Variants in RTTN observed in about 807,000 individuals in gnomAD.
RTTN encodes rotatin.
RTTN carries 182 observed loss-of-function variants against 269.2 expected under a neutral mutation model. The ratio of observed to expected loss-of-function variants is 0.68; its 90% CI spans 0.60 to 0.76. The LOEUF (loss-of-function observed/expected upper bound fraction) is 0.76. Among genes scored for constraint, RTTN ranks in the 30% least tolerant of loss-of-function variants. The probability of loss-of-function intolerance (pLI) is 0.00; values close to 1 mark genes in which losing one functional copy is unlikely to be tolerated. For missense variants in RTTN, 2,545 were observed against 2,608.6 expected, an observed-to-expected ratio of 0.98 and a Z score of 0.53; for synonymous variants, 1,006 against 963.5, an observed-to-expected ratio of 1.04 and a Z score of -0.82.
At chr18:70,171,908 C>T (rs1429550468) in intron 11 of RTTN, among the ~76,000 whole-genome samples, 12 of 152,174 alleles carry the variant, frequency 7.9e-5, no homozygotes, top group Admixed American at 2.0e-4. Flanking sequence ...AAAAGCACTG[C>T]TCTCAGTCAC....
chr18:70,171,030 T>C (rs913180941), intron 11 of RTTN, among the ~76,000 whole-genome samples: 2 of 151,246 alleles, frequency 1.3e-5, no homozygotes, highest in African/African-American at 4.9e-5. Context: ...AGAATGAAGT[T>C]TGGGACATGT....
intron 12 of RTTN, among the ~76,000 whole-genome samples, chr18:70,168,117 A>AAAG (rs931942120): frequency 6.6e-6 from 1 of 151,912 alleles, no homozygotes; most frequent in Admixed American, 6.6e-5. Context: ...GGCTGTCAAA[A>AAAG]AAAAAAAAAA....
At chr18:70,031,034 A>G in intron 40 of RTTN, 53 bp from the exon 41 acceptor site, 3 of 1,228,768 alleles carry the variant, frequency 2.4e-6, no homozygotes, top group Non-Finnish European at 1.2e-6. Context: ...TCTGGAGCAA[A>G]ACTGTTGTGA....
chr18:70,108,513 T>G (rs1227105641), intron 28 of RTTN, among the ~76,000 whole-genome samples: 1 of 152,194 alleles, frequency 6.6e-6, no homozygotes, highest in Non-Finnish European at 1.5e-5. Flanking sequence ...GGAATGATTT[T>G]GATTATTAAA....
intron 9 of RTTN, among the ~76,000 whole-genome samples, chr18:70,188,432 A>C (rs1010836167): frequency 5.9e-5 from 9 of 152,222 alleles, no homozygotes; most frequent in Admixed American, 5.9e-4. Flanking sequence ...CTACATAACA[A>C]ATCAAATACA....
At chr18:70,004,985 A>G (rs970029281) in intron 48 of RTTN, among the ~76,000 whole-genome samples, 1 of 152,230 alleles carries the variant, frequency 6.6e-6, no homozygotes, top group Non-Finnish European at 1.5e-5. Flanking sequence ...AAATAAGACG[A>G]AGATCACAGA....
At chr18:70,169,829 G>T (rs1344310041) in intron 11 of RTTN, among the ~76,000 whole-genome samples, 1 of 152,152 alleles carries the variant, frequency 6.6e-6, no homozygotes, top group Non-Finnish European at 1.5e-5. Context: ...TTGACGTTCA[G>T]AGAAAATCTC....
At chr18:70,123,298 C>T (rs1298953298) in intron 25 of RTTN, among the ~76,000 whole-genome samples, 1 of 152,066 alleles carries the variant, frequency 6.6e-6, no homozygotes, top group Non-Finnish European at 1.5e-5. Flanking sequence ...TCCAATCAGG[C>T]TAATTAACAT....
At chr18:70,128,803 G>C in intron 23 of RTTN, 1 of 329,590 alleles carries the variant, frequency 3.0e-6, no homozygotes, top group East Asian at 5.0e-5. Context: ...GAGTTGTTGT[G>C]GAGATAACTA....
Position 70,047,231 on chromosome 18 carries a change from C to T in RTTN, c.5541+740G>A, listed in dbSNP as rs143278819. 4.1e-3 allele frequency among the ~76,000 whole-genome samples: 621 copies of T among 152,240 alleles called. 3 individuals carry two copies. Among genetic ancestry groups the T allele is most frequent in the Non-Finnish European group, 5.5e-3 (375 of 68,016 alleles). On this transcript the variant is annotated intron_variant, in intron 40 of 48. Coordinates refer to ENST00000640769, the MANE Select transcript of RTTN (RefSeq NM_173630.4). ...ATCAACAATTCTACTACTTTTCTGC[C>T]TTTCAGTGAGAAGACAAAAATCATA... is the stretch of plus-strand genomic sequence containing the variant.
At chr18:70,051,170 A>G (rs2057655048) in intron 39 of RTTN, among the ~76,000 whole-genome samples, 1 of 152,214 alleles carries the variant, frequency 6.6e-6, no homozygotes, top group Non-Finnish European at 1.5e-5. Flanking sequence ...AAAAAATAAT[A>G]AAACCACAGG....
intron 6 of RTTN, among the ~76,000 whole-genome samples, chr18:70,197,057 C>T (rs2061827484): frequency 6.6e-6 from 1 of 152,164 alleles, no homozygotes; most frequent in African/African-American, 2.4e-5. Context: ...CGATCATTTG[C>T]CAGCTTTGAT....
chr18:70,196,461 A>C (rs1352681474), intron 7 of RTTN, 40 bp downstream of exon 7: 1 of 1,563,610 alleles, frequency 6.4e-7, no homozygotes, highest in South Asian at 1.2e-5. Flanking sequence ...AAGAATCTAC[A>C]AATAACACCA....
In RTTN at chr18:70,114,489, A is replaced by T. The variant is rs1263813303; in HGVS notation, c.3639T>A (p.Ala1213=). ...VRQQLQKELI[A]LFDTLLLNFM... ...AATTGAGCAGCAAGGTATCAAAAAG[A>T]GCAATCAGTTCTTTCTGAAGTTGTT... Residue 1213 remains alanine (A), a synonymous_variant, in exon 27 of 49, where the codon GCT becomes GCA. Transcript: ENST00000640769. 6.2e-7 allele frequency: 1 copy of T among 1,613,378 alleles called. No individual in the cohort carries two copies. The highest frequency in any genetic ancestry group is 1.3e-5 in the African/African-American group (1 of 74,908).
intron 23 of RTTN, chr18:70,131,777 A>G (rs1357585948): frequency 1.3e-5 from 2 of 151,962 alleles, no homozygotes; most frequent in African/African-American, 4.8e-5. Flanking sequence ...GAAAAGCCAG[A>G]GAGGAAAAAG....
At chr18:70,052,681 A>G (rs2057707212) in intron 38 of RTTN, among the ~76,000 whole-genome samples, 1 of 87,196 alleles carries the variant, frequency 1.1e-5, no homozygotes, top group African/African-American at 2.6e-5. Context: ...ATTTACATAC[A>G]TAAATTAGCA....
chr18:70,153,236 CTATA>C (rs61001454), intron 14 of RTTN, among the ~76,000 whole-genome samples: 2 of 150,438 alleles, frequency 1.3e-5, no homozygotes, highest in African/African-American at 2.4e-5. Flanking sequence ...GTGTTGTAAA[CTATA>C]TATATATATA....
intron 32 of RTTN, among the ~76,000 whole-genome samples, chr18:70,082,875 T>G (rs2058607509): frequency 6.6e-6 from 1 of 152,012 alleles, no homozygotes; most frequent in Admixed American, 6.6e-5. Flanking sequence ...AAATTTTTTT[T>G]AGAGATGGGG....
chr18:70,134,663 T>C, intron 22 of RTTN, 122 bp from the exon 23 acceptor site: 1 of 622,636 alleles, frequency 1.6e-6, no homozygotes, highest in Non-Finnish European at 2.8e-6. Flanking sequence ...ACTGAGTCTA[T>C]CATTTAGTAT....
Sources: gnomAD v4.1 joint callset for allele counts (sites outside exome capture counted in the v4.1 genomes callset) on GRCh38, gnomAD v4.1.1 for gene constraint, MANE v1.5 for transcripts, NCBI Gene and HGNC (gene_info 2026-07-23, HGNC 2026-07-21) for gene names.